Variants in ZFYVE9 observed in about 807,000 individuals in gnomAD.
The protein encoded by ZFYVE9 is zinc finger FYVE domain-containing protein 9.
In ZFYVE9, 43 loss-of-function variants were observed where a neutral mutation model predicts 126.7. That is an observed-to-expected ratio of 0.34 (90% CI 0.27 to 0.44). The LOEUF is 0.44. Ranked by LOEUF, ZFYVE9 falls within the 20% of genes least tolerant of loss-of-function variation. ZFYVE9 has a pLI of 1.00. For missense variants in ZFYVE9, 1,476 were observed against 1,697.0 expected, an observed-to-expected ratio of 0.87 and a Z score of 2.29; for synonymous variants, 521 against 597.4, an observed-to-expected ratio of 0.87 and a Z score of 1.87.
chr1:52,171,611 C>G (rs1340487454), intron 1 of ZFYVE9, among the ~76,000 whole-genome samples: 2 of 152,130 alleles, frequency 1.3e-5, no homozygotes, highest in East Asian at 3.9e-4. Context: ...TTTACAGTCC[C>G]ACCAACAGTG....
At chr1:52,178,621 G>A (rs1045001543) in intron 1 of ZFYVE9, among the ~76,000 whole-genome samples, 4 of 152,090 alleles carry the variant, frequency 2.6e-5, no homozygotes, top group African/African-American at 7.2e-5. Flanking sequence ...GAGCCACCTC[G>A]CCCGGCTTAT....
chr1:52,180,326 C>T (rs1644685614), intron 1 of ZFYVE9: 1 of 1,577,058 alleles, frequency 6.3e-7, no homozygotes, highest in Non-Finnish European at 8.7e-7. Context: ...GGAATCTGCC[C>T]ATGATATTTG....
chr1:52,331,528 G>A (rs1053708066), intron 13 of ZFYVE9, among the ~76,000 whole-genome samples: 2 of 151,204 alleles, frequency 1.3e-5, no homozygotes, highest in African/African-American at 4.8e-5. Flanking sequence ...TGAGGTGGGC[G>A]GATCACGAGG....
At position 52,142,323 on chromosome 1, in the gene ZFYVE9, C is replaced by G. The variant is rs1405393604; in HGVS notation, c.-223C>G. The G allele has an allele frequency of 6.6e-6, 1 of 151,842 alleles. No individual in the cohort carries two copies. The highest frequency in any genetic ancestry group is 6.6e-5 in the Admixed American group (1 of 15,246). The allele number at this position is 151,842 out of a possible 1,614,324, so 9.4% of individuals were successfully genotyped here. A position where few individuals can be genotyped will look rare whatever the true frequency, so the allele number is the denominator to read the frequency against. On this transcript the variant is annotated 5_prime_UTR_variant, in exon 1 of 19. Transcript: ENST00000287727. This position sits in a 1 kb window ranked among gnomAD's most constrained non-coding sequence, Gnocchi z 4.5. Reference sequence around the variant, plus strand: ...GGTTTCGCGGCGGCGCCTGGGGCCGCGCCGGTGCCCTCCGGAGGAGGCTTT... The same window carrying G: ...GGTTTCGCGGCGGCGCCTGGGGCCGGGCCGGTGCCCTCCGGAGGAGGCTTT...
At chr1:52,174,497 A>T (rs1644605592) in intron 1 of ZFYVE9, among the ~76,000 whole-genome samples, 1 of 151,936 alleles carries the variant, frequency 6.6e-6, no homozygotes. Flanking sequence ...TGGGGTGGAG[A>T]GTTCTGTAGA....
chr1:52,317,440 C>T (rs1040285663), intron 13 of ZFYVE9, among the ~76,000 whole-genome samples: 1 of 151,398 alleles, frequency 6.6e-6, no homozygotes, highest in Non-Finnish European at 1.5e-5. Context: ...CGAGATCACG[C>T]CATTGCACTC....
chr1:52,299,834 A>G (rs996023970), intron 12 of ZFYVE9, among the ~76,000 whole-genome samples: 14 of 152,244 alleles, frequency 9.2e-5, no homozygotes, highest in Non-Finnish European at 1.9e-4. Context: ...TCCAGTTTCA[A>G]GATGGCACCA....
chr1:52,307,815 G>A (rs1282749196), intron 13 of ZFYVE9, among the ~76,000 whole-genome samples: 2 of 149,324 alleles, frequency 1.3e-5, no homozygotes, highest in African/African-American at 2.5e-5. Context: ...GCAGTGGAGC[G>A]ATCTCGGCTC....
chr1:52,320,933 G>C lies in ZFYVE9; in HGVS notation c.3439-11835G>C, dbSNP rs115426191. Reference sequence around the variant, plus strand: ...GTAATAGACGTTCAAACTTTGATCAGGTCACTGCAGTGATATAGCCAAAGA... The same window carrying C: ...GTAATAGACGTTCAAACTTTGATCACGTCACTGCAGTGATATAGCCAAAGA... On this transcript the variant is annotated intron_variant, in intron 13 of 18. Transcript: ENST00000287727. 7.8e-3 allele frequency among the ~76,000 whole-genome samples: 1,189 copies of C among 151,978 alleles called. 18 individuals carry two copies. Among genetic ancestry groups the C allele is most frequent in the African/African-American group, 0.027 (1,131 of 41,462 alleles).
intron 13 of ZFYVE9, 56 bp downstream of exon 13, chr1:52,303,981 A>C: frequency 8.5e-7 from 1 of 1,173,414 alleles, no homozygotes; most frequent in Non-Finnish European, 1.2e-6. Flanking sequence ...GTGAAGGTGA[A>C]AAATGCATGA....
chr1:52,287,132 C>T (rs183911860), intron 10 of ZFYVE9, among the ~76,000 whole-genome samples: 35 of 152,006 alleles, frequency 2.3e-4, no homozygotes, highest in East Asian at 1.9e-4. Flanking sequence ...CTGTGTCGCC[C>T]GGGCCGGAGT....
At chr1:52,336,257 T>A (rs1014091041) in intron 15 of ZFYVE9, among the ~76,000 whole-genome samples, 1 of 151,750 alleles carries the variant, frequency 6.6e-6, no homozygotes, top group Non-Finnish European at 1.5e-5. Flanking sequence ...AATAAAACAG[T>A]GAGTGAAACA....
intron 1 of ZFYVE9, among the ~76,000 whole-genome samples, chr1:52,152,153 C>T (rs1644363749): frequency 6.6e-6 from 1 of 151,936 alleles, no homozygotes. Context: ...CCATGTCTGG[C>T]TAATTTTTGT....
At chr1:52,273,463 C>T (rs1035763518) in intron 7 of ZFYVE9, among the ~76,000 whole-genome samples, 36 of 152,126 alleles carry the variant, frequency 2.4e-4, no homozygotes, top group South Asian at 8.3e-4. Context: ...GTGGATTTAA[C>T]GCCAACCAAC....
At position 52,255,540 on chromosome 1, in the gene ZFYVE9, G is replaced by A. The variant is rs539437340; in HGVS notation, c.2179-8233G>A. On this transcript the variant is annotated intron_variant, in intron 4 of 18. Coordinates refer to ENST00000287727, the MANE Select transcript of ZFYVE9 (RefSeq NM_004799.4). ...GCGGCGGTTGCGGTGAGCCGAGATCGCACCATTGCACTCCAGCCTGGGCAA... is the reference window on the plus strand; with the variant it reads ...GCGGCGGTTGCGGTGAGCCGAGATCACACCATTGCACTCCAGCCTGGGCAA... 9.5e-4 allele frequency among the ~76,000 whole-genome samples: 139 copies of A among 145,732 alleles called. No individual in the cohort carries two copies. The Middle Eastern group carries it at 0.011, about 12-fold the overall frequency.
intron 1 of ZFYVE9, among the ~76,000 whole-genome samples, chr1:52,183,663 C>T (rs538315594): frequency 2.5e-4 from 38 of 152,092 alleles, no homozygotes; most frequent in African/African-American, 8.0e-4. Flanking sequence ...CCACCACACC[C>T]GGCTAATTTT....
At chr1:52,335,298 T>C (rs188153887) in intron 15 of ZFYVE9, 2 of 153,620 alleles carry the variant, frequency 1.3e-5, no homozygotes, top group African/African-American at 4.8e-5. Context: ...CATTTTATCA[T>C]GCTTGCTTAT....
intron 2 of ZFYVE9, among the ~76,000 whole-genome samples, chr1:52,221,294 G>A (rs1267283566): frequency 6.6e-6 from 1 of 152,182 alleles, no homozygotes; most frequent in Non-Finnish European, 1.5e-5. Context: ...AAGAGGTGAT[G>A]CCCTGTTTGG....
intron 1 of ZFYVE9, among the ~76,000 whole-genome samples, chr1:52,210,472 C>T (rs1645017726): frequency 6.6e-6 from 1 of 152,072 alleles, no homozygotes; most frequent in African/African-American, 2.4e-5. Context: ...TCTTTTTTCC[C>T]TGTCCCTATT....
Sources: gnomAD v4.1 joint callset for allele counts (sites outside exome capture counted in the v4.1 genomes callset) on GRCh38, gnomAD v4.1.1 for gene constraint, Gnocchi (gnomAD v3.1) non-coding constraint, MANE v1.5 for transcripts, NCBI Gene and HGNC (gene_info 2026-07-23, HGNC 2026-07-21) for gene names.